Variants in HEMK2 observed in about 807,000 individuals in gnomAD.
The protein encoded by HEMK2 is HemK methyltransferase 2, ETF1 glutamine and histone H4 lysine.
chr21:28,734,476 T>C, the HEMK2 span, among the ~76,000 whole-genome samples: 1 of 152,190 alleles, frequency 6.6e-6, no homozygotes, highest in East Asian at 1.9e-4. Flanking sequence ...GTTGGTAAAA[T>C]AATTTACCCT....
the HEMK2 span, among the ~76,000 whole-genome samples, chr21:28,872,023 G>C: frequency 2.6e-5 from 4 of 152,148 alleles, no homozygotes; most frequent in Non-Finnish European, 5.9e-5. Flanking sequence ...TTCCAAATAG[G>C]AGCATATTCA....
the HEMK2 span, among the ~76,000 whole-genome samples, chr21:28,789,190 C>T: frequency 6.6e-6 from 1 of 152,124 alleles, no homozygotes; most frequent in Non-Finnish European, 1.5e-5. Context: ...GTAAGGACGT[C>T]CCAGGTAACA....
chr21:28,606,764 A>G, the HEMK2 span, among the ~76,000 whole-genome samples: 2 of 152,196 alleles, frequency 1.3e-5, no homozygotes, highest in Non-Finnish European at 2.9e-5. Context: ...CTGCCTCAAT[A>G]AAGTTTACAG....
At chr21:28,698,933 T>C in the HEMK2 span, among the ~76,000 whole-genome samples, 2 of 152,202 alleles carry the variant, frequency 1.3e-5, no homozygotes, top group Non-Finnish European at 2.9e-5. Context: ...ATGAAATCCA[T>C]CACCAAAACT....
At chr21:28,640,297 G>A in the HEMK2 span, among the ~76,000 whole-genome samples, 2 of 152,162 alleles carry the variant, frequency 1.3e-5, no homozygotes, top group East Asian at 3.9e-4. Flanking sequence ...GAGACACAAT[G>A]GAGAGCCAAG....
the HEMK2 span, among the ~76,000 whole-genome samples, chr21:28,659,369 T>A: frequency 6.6e-6 from 1 of 152,122 alleles, no homozygotes; most frequent in Non-Finnish European, 1.5e-5. Context: ...TTCCTCAATC[T>A]GTATCAAAAT....
the HEMK2 span, among the ~76,000 whole-genome samples, chr21:28,786,916 A>G: frequency 6.6e-6 from 1 of 152,172 alleles, no homozygotes; most frequent in Non-Finnish European, 1.5e-5. Flanking sequence ...TCACAGAGTT[A>G]GAAAAAACAG....
At chr21:28,666,651 T>C in the HEMK2 span, among the ~76,000 whole-genome samples, 31,405 of 152,066 alleles carry the variant, frequency 0.21, 3,523 homozygotes, top group East Asian at 0.38. Context: ...GGTTTTCCTA[T>C]AGATTTGTAA....
At chr21:28,751,107 T>A in the HEMK2 span, among the ~76,000 whole-genome samples, 1 of 151,842 alleles carries the variant, frequency 6.6e-6, no homozygotes, top group African/African-American at 2.4e-5. Flanking sequence ...GGCGAGCACC[T>A]GTAGTCCCAG....
the HEMK2 span, among the ~76,000 whole-genome samples, chr21:28,622,115 A>G: frequency 6.6e-6 from 1 of 152,172 alleles, no homozygotes; most frequent in Non-Finnish European, 1.5e-5. Context: ...TAAACTAATA[A>G]GCAGCTTCAG....
chr21:28,671,576 T>C, the HEMK2 span, among the ~76,000 whole-genome samples: 1 of 152,174 alleles, frequency 6.6e-6, no homozygotes, highest in Non-Finnish European at 1.5e-5. Flanking sequence ...TGATGATAAA[T>C]ACAACCTGGA....
At chr21:28,845,827 G>A in the HEMK2 span, among the ~76,000 whole-genome samples, 11 of 151,872 alleles carry the variant, frequency 7.2e-5, no homozygotes, top group East Asian at 5.8e-4. Context: ...CAAGGGGTAC[G>A]TGTGCAGATT....
At chr21:28,792,088 C>A in the HEMK2 span, among the ~76,000 whole-genome samples, 1 of 152,126 alleles carries the variant, frequency 6.6e-6, no homozygotes, top group Non-Finnish European at 1.5e-5. Flanking sequence ...GGACAGTTTA[C>A]AAATGCCATG....
At chr21:28,765,236 G>A in the HEMK2 span, among the ~76,000 whole-genome samples, 5 of 152,076 alleles carry the variant, frequency 3.3e-5, no homozygotes, top group Non-Finnish European at 5.9e-5. Flanking sequence ...CATGAGCTTG[G>A]AAGCAGATCC....
the HEMK2 span, among the ~76,000 whole-genome samples, chr21:28,844,994 T>C: frequency 1.3e-5 from 2 of 152,106 alleles, no homozygotes; most frequent in Non-Finnish European, 2.9e-5. Context: ...AAGGTTCAAA[T>C]ATGTCTATCT....
the HEMK2 span, among the ~76,000 whole-genome samples, chr21:28,677,804 C>T: frequency 1.3e-5 from 2 of 152,232 alleles, no homozygotes; most frequent in East Asian, 3.8e-4. Flanking sequence ...AGTGGACCTC[C>T]AGCAAACTCC....
chr21:28,670,202 CA>C, the HEMK2 span, among the ~76,000 whole-genome samples: 1 of 151,938 alleles, frequency 6.6e-6, no homozygotes, highest in East Asian at 1.9e-4. Flanking sequence ...TAACCTCAAT[CA>C]AAAATATACT....
At chr21:28,713,699 G>A in the HEMK2 span, among the ~76,000 whole-genome samples, 2 of 152,116 alleles carry the variant, frequency 1.3e-5, no homozygotes, top group African/African-American at 2.4e-5. Context: ...AACCTTCTGC[G>A]CTTTTCCTTT....
chr21:28,598,462 C>CCTT, the HEMK2 span, among the ~76,000 whole-genome samples: 1 of 152,182 alleles, frequency 6.6e-6, no homozygotes, highest in Non-Finnish European at 1.5e-5. Context: ...GTTGGCAACA[C>CCTT]ATCACATATG....
Sources: gnomAD v4.1 joint callset for allele counts (sites outside exome capture counted in the v4.1 genomes callset) on GRCh38, gnomAD v4.1.1 for gene constraint, MANE v1.5 for transcripts, NCBI Gene and HGNC (gene_info 2026-07-23, HGNC 2026-07-21) for gene names.